Variants in MRPL13 observed in about 807,000 individuals in gnomAD.
MRPL13 encodes the protein mitochondrial ribosomal protein L13.
A neutral mutation model predicts 29.0 loss-of-function variants in MRPL13; 33 were observed. That is an observed-to-expected ratio of 1.14 (90% CI 0.86 to 1.52). The LOEUF (loss-of-function observed/expected upper bound fraction) is 1.52. Among genes scored for constraint, MRPL13 ranks in the 40% most tolerant of loss-of-function variants. The probability of loss-of-function intolerance (pLI) is 0.00; values close to 1 mark genes in which losing one functional copy is unlikely to be tolerated. For missense variants in MRPL13, 227 were observed against 216.7 expected (o/e 1.05, Z -0.30); for synonymous variants, 77 against 68.4 (o/e 1.13, Z -0.62).
intron 3 of MRPL13, among the ~76,000 whole-genome samples, chr8:120,425,694 A>C (rs1175388436): frequency 2.0e-5 from 3 of 152,156 alleles, no homozygotes; most frequent in Non-Finnish European, 4.4e-5. Flanking sequence ...AACAAGCCAG[A>C]CTATTTCATG....
At chr8:120,416,549 A>C (rs1009348286) in intron 5 of MRPL13, among the ~76,000 whole-genome samples, 1 of 152,178 alleles carries the variant, frequency 6.6e-6, no homozygotes, top group Admixed American at 6.5e-5. Flanking sequence ...AGAGGTGGTT[A>C]ACCTAAGGGG....
intron 2 of MRPL13, among the ~76,000 whole-genome samples, chr8:120,438,024 C>T (rs1040306137): frequency 2.0e-5 from 3 of 152,136 alleles, no homozygotes; most frequent in African/African-American, 7.2e-5. Context: ...ATTTTAGTGA[C>T]ATCTTCTGGA....
In MRPL13 at chr8:120,409,498, C is replaced by A. The variant is rs563318811; in HGVS notation, c.515+4493G>T. Among the ~76,000 whole-genome samples the A allele has an allele frequency of 3.9e-5, 6 of 151,926 alleles. No homozygotes were observed. In the East Asian group the frequency reaches 1.2e-3, roughly 29 times the overall value. On this transcript the variant is annotated intron_variant, in intron 6 of 6. Coordinates refer to ENST00000306185, the MANE Select transcript of MRPL13 (RefSeq NM_014078.6). ...ATTGATAGTATTAAAATAAATTGAC[C>A]ATTTTAAAGCTACAATCTTAAGCAA...
At position 120,443,321 on chromosome 8, in the gene MRPL13, A is replaced by AGG. The variant is rs766299377; in HGVS notation, c.28-14_28-13insCC. On this transcript the variant is annotated splice_polypyrimidine_tract_variant and intron_variant, in intron 1 of 6. Transcript: ENST00000306185. ...AAGTGGCCCATTGCTTGGGGGGGAA[A>AGG]AAAAAAAAAAAGAAGAGGAAAAAAT... The AGG allele has an allele frequency of 1.0e-5, 13 of 1,296,752 alleles. No individual in the cohort carries two copies. The African/African-American group carries it at 2.0e-4, about 20-fold the overall frequency. The allele number at this position is 1,296,752 out of a possible 1,614,324, so 80.3% of individuals were successfully genotyped here.
At chr8:120,417,095 T>G (rs1272526225) in intron 5 of MRPL13, among the ~76,000 whole-genome samples, 1 of 152,224 alleles carries the variant, frequency 6.6e-6, no homozygotes, top group Non-Finnish European at 1.5e-5. Flanking sequence ...TGTTGCAGAA[T>G]TTCCTTTTAT....
intron 6 of MRPL13, among the ~76,000 whole-genome samples, chr8:120,398,464 C>A (rs1812548243): frequency 6.6e-6 from 1 of 152,086 alleles, no homozygotes; most frequent in Non-Finnish European, 1.5e-5. Flanking sequence ...ACAACAACAT[C>A]AACAAAAAAG....
At chr8:120,432,931 G>C (rs1423243091) in intron 2 of MRPL13, among the ~76,000 whole-genome samples, 1 of 151,838 alleles carries the variant, frequency 6.6e-6, no homozygotes, top group African/African-American at 2.4e-5. Flanking sequence ...TATTCTAGAA[G>C]CTCAAGAAAA....
intron 6 of MRPL13, among the ~76,000 whole-genome samples, chr8:120,399,705 A>T (rs1397246912): frequency 6.6e-6 from 1 of 152,304 alleles, no homozygotes. Flanking sequence ...GGCAAACCGG[A>T]TAAAGAGTTG....
intron 4 of MRPL13, 124 bp downstream of exon 4, chr8:120,425,182 G>A: frequency 1.5e-6 from 1 of 658,432 alleles, no homozygotes; most frequent in Admixed American, 3.0e-5. Flanking sequence ...GTGTGATACA[G>A]CTAAAGTGAA....
chr8:120,433,209 C>T (rs1235234654), intron 2 of MRPL13, among the ~76,000 whole-genome samples: 1 of 151,974 alleles, frequency 6.6e-6, no homozygotes, highest in Non-Finnish European at 1.5e-5. Context: ...GGTTGAAGTT[C>T]CTAAAAGTGA....
chr8:120,416,940 A>G (rs1313413071), intron 5 of MRPL13, among the ~76,000 whole-genome samples: 1 of 152,200 alleles, frequency 6.6e-6, no homozygotes, highest in Non-Finnish European at 1.5e-5. Flanking sequence ...TAATATTGTC[A>G]TATGTAACTT....
At chr8:120,409,478 T>C (rs910241822) in intron 6 of MRPL13, among the ~76,000 whole-genome samples, 2 of 152,282 alleles carry the variant, frequency 1.3e-5, no homozygotes, top group Middle Eastern at 3.4e-3. Context: ...TAACAATTGA[T>C]AGTATTAAAA....
rs190382329 is a variant in MRPL13, at chr8:120,397,299, C to T, written c.516-1174G>A. 4.6e-5 allele frequency among the ~76,000 whole-genome samples: 7 copies of T among 152,196 alleles called. No individual in the cohort carries two copies. The East Asian group carries it at 1.4e-3, about 29-fold the overall frequency. On this transcript the variant is annotated intron_variant, in intron 6 of 6. Coordinates refer to ENST00000306185, the MANE Select transcript of MRPL13 (RefSeq NM_014078.6). ...TAATAGACTCTAGCCCCAGGAATCC[C>T]GGTAAGGCAGGAGATCCATCCATAA...
At chr8:120,414,174 T>C (rs1421047522) in intron 5 of MRPL13, 62 bp from the exon 6 acceptor site, 1 of 1,165,754 alleles carries the variant, frequency 8.6e-7, no homozygotes, top group Non-Finnish European at 1.1e-6. Context: ...AATAAATTAC[T>C]AATACTTCAT....
chr8:120,419,407 T>C (rs1812842368), intron 5 of MRPL13, among the ~76,000 whole-genome samples: 1 of 151,920 alleles, frequency 6.6e-6, no homozygotes, highest in Non-Finnish European at 1.5e-5. Flanking sequence ...CAACTATGAG[T>C]ATGAACAAGT....
At chr8:120,409,754 T>C (rs1271973103) in intron 6 of MRPL13, among the ~76,000 whole-genome samples, 1 of 152,148 alleles carries the variant, frequency 6.6e-6, no homozygotes, top group East Asian at 1.9e-4. Flanking sequence ...AGAAGTGAGA[T>C]GAATGGGCAA....
intron 2 of MRPL13, among the ~76,000 whole-genome samples, chr8:120,441,953 T>C (rs886464483): frequency 9.2e-5 from 14 of 152,308 alleles, no homozygotes; most frequent in Non-Finnish European, 1.8e-4. Flanking sequence ...AAGAAATTCA[T>C]TGTACTATTC....
intron 6 of MRPL13, among the ~76,000 whole-genome samples, chr8:120,398,349 A>C (rs989032083): frequency 1.3e-5 from 2 of 152,160 alleles, no homozygotes; most frequent in African/African-American, 4.8e-5. Context: ...GTAAGGTAAA[A>C]ACTGAAACAA....
Position 120,434,054 on chromosome 8 carries a change from G to A in MRPL13, c.152-1931C>T, listed in dbSNP as rs563493501. 5.9e-4 allele frequency among the ~76,000 whole-genome samples: 89 copies of A among 152,120 alleles called. 1 individual carries two copies. The highest frequency in any genetic ancestry group is 2.0e-3 in the African/African-American group (84 of 41,538). On this transcript the variant is annotated intron_variant, in intron 2 of 6. Transcript: ENST00000306185. ...ACTTCTAACTTTATCTGACTCCTCA[G>A]TATAATACTAGGTGCTCAATTAAAT...
Sources: gnomAD v4.1 joint callset for allele counts (sites outside exome capture counted in the v4.1 genomes callset) on GRCh38, gnomAD v4.1.1 for gene constraint, MANE v1.5 for transcripts, NCBI Gene and HGNC (gene_info 2026-07-23, HGNC 2026-07-21) for gene names.